The following ADGRL2 variants were observed in gnomAD, a reference collection of about 807,000 sequenced individuals.
ADGRL2 encodes adhesion G protein-coupled receptor L2.
A neutral mutation model predicts 157.4 loss-of-function variants in ADGRL2; 44 were observed. The ratio of observed to expected loss-of-function variants is 0.28; its 90% confidence interval spans 0.22 to 0.36. ADGRL2 has a LOEUF of 0.36. ADGRL2 is among the 10% of genes least tolerant of loss of function. ADGRL2 has a pLI of 1.00. For synonymous variants in ADGRL2, 585 were observed against 624.7 expected (o/e 0.94, Z 0.95); for missense variants, 1,510 against 1,768.9 (o/e 0.85, Z 2.63).
At chr1:81,545,741 A>G (rs902631414) in intron 2 of ADGRL2, among the ~76,000 whole-genome samples, 6 of 152,226 alleles carry the variant, frequency 3.9e-5, no homozygotes, top group African/African-American at 1.2e-4. Context: ...CAAAGTTCAC[A>G]TGGCTAGTAA....
chr1:81,985,205 G>A (rs781358554), intron 20 of ADGRL2, 54 bp from the exon 21 acceptor site: 1 of 1,016,416 alleles, frequency 9.8e-7, no homozygotes, highest in Non-Finnish European at 1.5e-6. Context: ...CTTTAATAAG[G>A]TAAGTTTGGG....
rs114934916 is a variant in ADGRL2 at position 81,967,837 on chromosome 1, G to A, written c.2350-189G>A. ...TTTAAAGTACACTTTAGAGTCTTTC[G>A]GACTATAAAGCCCCTTTTAAGCTAG... On this transcript the variant is annotated intron_variant, in intron 13 of 23. Transcript: ENST00000686636. Among the ~76,000 whole-genome samples, 1,529 of 152,014 alleles carry A rather than the reference G, an allele frequency of 0.01. 28 individuals are homozygous for A. Among genetic ancestry groups the A allele is most frequent in the African/African-American group, 0.035 (1,457 of 41,444 alleles).
At chr1:81,842,267 C>G (rs1158484326) in intron 2 of ADGRL2, among the ~76,000 whole-genome samples, 5 of 144,080 alleles carry the variant, frequency 3.5e-5, no homozygotes, top group Non-Finnish European at 7.6e-5. Flanking sequence ...GTATCTGTTT[C>G]TTTGCAGATT....
intron 15 of ADGRL2, 24 bp downstream of exon 15, chr1:81,969,411 A>G: frequency 6.6e-7 from 1 of 1,515,816 alleles, no homozygotes; most frequent in Non-Finnish European, 9.1e-7. Context: ...GAGTTCATTG[A>G]CCTTAGATCT....
At chr1:81,713,065 G>A (rs1269739920) in intron 1 of ADGRL2, among the ~76,000 whole-genome samples, 1 of 151,822 alleles carries the variant, frequency 6.6e-6, no homozygotes, top group Non-Finnish European at 1.5e-5. Flanking sequence ...GCTTGAGAGT[G>A]GATTCTTATA....
At chr1:81,454,491 C>T (rs956322270) in intron 2 of ADGRL2, among the ~76,000 whole-genome samples, 2 of 151,990 alleles carry the variant, frequency 1.3e-5, no homozygotes, top group African/African-American at 4.8e-5. Context: ...TGTCATTGAT[C>T]GCATCAAAAA....
chr1:81,390,752 C>T (rs1340477320), intron 1 of ADGRL2, among the ~76,000 whole-genome samples: 1 of 152,308 alleles, frequency 6.6e-6, no homozygotes, highest in Non-Finnish European at 1.5e-5. Context: ...TATTGATCTA[C>T]CATCTTCTTT....
chr1:81,986,225 T>C (rs550630976), intron 21 of ADGRL2, among the ~76,000 whole-genome samples: 21 of 152,244 alleles, frequency 1.4e-4, no homozygotes, highest in African/African-American at 4.8e-4. Flanking sequence ...TTTACTTCAT[T>C]CTGTTGGCGA....
chr1:81,640,269 A>C (rs2082192439), intron 3 of ADGRL2, among the ~76,000 whole-genome samples: 1 of 152,140 alleles, frequency 6.6e-6, no homozygotes, highest in Admixed American at 6.6e-5. Flanking sequence ...CTGATGCCCT[A>C]AATTTTGGTC....
At chr1:81,440,951 C>T (rs2077496651) in intron 1 of ADGRL2, among the ~76,000 whole-genome samples, 1 of 152,198 alleles carries the variant, frequency 6.6e-6, no homozygotes, top group Non-Finnish European at 1.5e-5. Flanking sequence ...CTATCTTCCT[C>T]ACAGCTTTAG....
intron 1 of ADGRL2, among the ~76,000 whole-genome samples, chr1:81,324,779 C>T (rs187264824): frequency 6.6e-6 from 1 of 152,126 alleles, no homozygotes; most frequent in East Asian, 1.9e-4. Context: ...AGCAGTGTCT[C>T]AATCTCGGCT....
At chr1:81,694,075 G>A (rs1044204618) in intron 3 of ADGRL2, among the ~76,000 whole-genome samples, 1 of 152,088 alleles carries the variant, frequency 6.6e-6, no homozygotes, top group Non-Finnish European at 1.5e-5. Context: ...AGTCCTAAGG[G>A]ACATAAGCAT....
At chr1:81,318,800 T>A (rs542367972) in intron 1 of ADGRL2, among the ~76,000 whole-genome samples, 1 of 152,244 alleles carries the variant, frequency 6.6e-6, no homozygotes, top group Admixed American at 6.5e-5. Flanking sequence ...TTGCTGATGC[T>A]TAAGAGCAAA....
chr1:81,820,897 A>G (rs891347664), intron 1 of ADGRL2, among the ~76,000 whole-genome samples: 1 of 152,164 alleles, frequency 6.6e-6, no homozygotes, highest in Non-Finnish European at 1.5e-5. Flanking sequence ...GTAGTTCTCC[A>G]TGGCCTATAA....
At chr1:81,518,286 C>T (rs1431511626) in intron 2 of ADGRL2, among the ~76,000 whole-genome samples, 1 of 152,202 alleles carries the variant, frequency 6.6e-6, no homozygotes, top group Admixed American at 6.5e-5. Context: ...TCTGATTGCT[C>T]CTTTCTCTTT....
At chr1:81,950,951 A>G in intron 7 of ADGRL2, 67 bp from the exon 8 acceptor site, 1 of 975,216 alleles carries the variant, frequency 1.0e-6, no homozygotes, top group South Asian at 1.3e-5. Context: ...GGATCATCAT[A>G]GCTGATTCCC....
At chr1:81,431,458 A>G (rs533360626) in intron 1 of ADGRL2, among the ~76,000 whole-genome samples, 2 of 152,272 alleles carry the variant, frequency 1.3e-5, no homozygotes, top group South Asian at 4.1e-4. Flanking sequence ...CGTGGCCCCT[A>G]GAGAATCTTC....
intron 1 of ADGRL2, among the ~76,000 whole-genome samples, chr1:81,381,744 A>G (rs979272399): frequency 1.8e-4 from 28 of 152,294 alleles, no homozygotes; most frequent in African/African-American, 6.3e-4. Flanking sequence ...ATATTGCATC[A>G]TGTTTTCTCT....
chr1:81,684,810 A>G (rs924674635), intron 3 of ADGRL2, among the ~76,000 whole-genome samples: 1 of 152,184 alleles, frequency 6.6e-6, no homozygotes, highest in African/African-American at 2.4e-5. Context: ...ATATTTGTAT[A>G]AGGTAAGAGA....
Sources: allele counts gnomAD v4.1 joint callset (sites outside exome capture counted in the v4.1 genomes callset), GRCh38; gene constraint gnomAD v4.1.1; transcripts MANE v1.5; gene names NCBI Gene and HGNC (gene_info 2026-07-23, HGNC 2026-07-21).